Variants in ANKRD29 observed in about 807,000 individuals in gnomAD.
ANKRD29 encodes the protein ankyrin repeat domain 29.
A neutral mutation model predicts 38.0 loss-of-function variants in ANKRD29; 32 were observed. The ratio of observed to expected loss-of-function variants is 0.84; its 90% CI spans 0.64 to 1.13. The LOEUF (loss-of-function observed/expected upper bound fraction) is 1.13, where lower values mean the gene tolerates loss of function less well. Among genes scored for constraint, ANKRD29 ranks in the 50% most tolerant of loss-of-function variants. The pLI, the probability that ANKRD29 is intolerant of heterozygous loss-of-function variation, is 0.00. For missense variants in ANKRD29, 357 were observed against 377.9 expected (o/e 0.94, Z 0.46); for synonymous variants, 135 against 152.4 (o/e 0.89, Z 0.84).
At chr18:23,619,997 T>C (rs1044970740) in intron 6 of ANKRD29, among the ~76,000 whole-genome samples, 1 of 152,156 alleles carries the variant, frequency 6.6e-6, no homozygotes, top group Non-Finnish European at 1.5e-5. Flanking sequence ...CTGACCTGTA[T>C]ACATACACCA....
intron 8 of ANKRD29, among the ~76,000 whole-genome samples, chr18:23,612,812 A>G (rs1327426793): frequency 1.3e-5 from 2 of 152,172 alleles, no homozygotes; most frequent in Admixed American, 1.3e-4. Flanking sequence ...GCAAATATTT[A>G]TCAAAATAAG....
At chr18:23,617,676 G>C in intron 8 of ANKRD29, 56 bp downstream of exon 8, 1 of 1,467,004 alleles carries the variant, frequency 6.8e-7, no homozygotes, top group Non-Finnish European at 9.5e-7. Context: ...CCCAAGTGAG[G>C]ACTTACTTTC....
At chr18:23,650,647 C>A (rs757260322) in intron 1 of ANKRD29, among the ~76,000 whole-genome samples, 9 of 152,196 alleles carry the variant, frequency 5.9e-5, no homozygotes, top group Non-Finnish European at 1.0e-4. Context: ...CCCAGCCCTG[C>A]ACAAGTAAGT....
At chr18:23,620,479 C>G (rs2059782901) in intron 6 of ANKRD29, among the ~76,000 whole-genome samples, 1 of 152,066 alleles carries the variant, frequency 6.6e-6, no homozygotes, top group African/African-American at 2.4e-5. Context: ...TGGTTCCCAG[C>G]AGATGGGATG....
At chr18:23,644,155 T>C (rs116708875) in intron 3 of ANKRD29, among the ~76,000 whole-genome samples, 1,606 of 152,354 alleles carry the variant, frequency 0.011, 36 homozygotes, top group African/African-American at 0.036. Flanking sequence ...CCAAGATTAG[T>C]TGAGCAATTG....
Position 23,649,072 on chromosome 18 carries a change from A to G in ANKRD29, c.132+11T>C, listed in dbSNP as rs752197282. On this transcript the variant is annotated intron_variant, in intron 2 of 9. Transcript: ENST00000592179. ...GTGCATGCTGGGCATGCATCTACCG[A>G]ACCACCGTACGCTGTCTCTGCAGTC... The G allele has an allele frequency of 1.2e-6, 2 of 1,611,586 alleles. No homozygotes were observed. The highest frequency in any genetic ancestry group is 1.3e-5 in the African/African-American group (1 of 74,968).
chr18:23,606,514 T>C (rs941415540), intron 9 of ANKRD29, among the ~76,000 whole-genome samples: 3 of 152,144 alleles, frequency 2.0e-5, no homozygotes, highest in African/African-American at 7.2e-5. Context: ...TCTTGCTATA[T>C]TGCCCAGGTT....
intron 5 of ANKRD29, among the ~76,000 whole-genome samples, chr18:23,633,028 C>T (rs751413310): frequency 2.0e-4 from 30 of 152,214 alleles, no homozygotes; most frequent in African/African-American, 6.5e-4. Context: ...GCCTAAAATA[C>T]GGTTCCTAGA....
chr18:23,635,277 CAA>C lies in ANKRD29; in HGVS notation c.331-1130_331-1129del, dbSNP rs2059988200. On this transcript the variant is annotated intron_variant, in intron 4 of 9. Coordinates refer to ENST00000592179, the MANE Select transcript of ANKRD29 (RefSeq NM_173505.4). ...GAGCGAGACACTGTGTCAAAACAAA[CAA>C]ATAAAAAAAGTAAAAAAAAAAAAAA... 3.1e-5 allele frequency among the ~76,000 whole-genome samples: 4 copies of C among 129,076 alleles called. No homozygotes were observed. The South Asian group carries it at 1.0e-3, about 32-fold the overall frequency. 84.7% of individuals were successfully genotyped at this position (129,076 alleles called of 152,430 possible). A position where few individuals can be genotyped will look rare whatever the true frequency, so the allele number is the denominator to read the frequency against.
intron 1 of ANKRD29, among the ~76,000 whole-genome samples, chr18:23,652,059 A>G (rs2060216541): frequency 6.6e-6 from 1 of 152,184 alleles, no homozygotes; most frequent in Non-Finnish European, 1.5e-5. Flanking sequence ...TTGGAAAAAA[A>G]TGATGAGTTC....
intron 8 of ANKRD29, among the ~76,000 whole-genome samples, chr18:23,615,933 TATA>T (rs1410858358): frequency 7.0e-6 from 1 of 143,638 alleles, no homozygotes; most frequent in African/African-American, 2.6e-5. Flanking sequence ...GTATATATTA[TATA>T]GTATATAATA....
intron 4 of ANKRD29, among the ~76,000 whole-genome samples, chr18:23,637,238 C>T (rs943669459): frequency 6.6e-6 from 1 of 152,076 alleles, no homozygotes; most frequent in African/African-American, 2.4e-5. Context: ...TTAGTTATCA[C>T]TTTTATAATA....
intron 1 of ANKRD29, among the ~76,000 whole-genome samples, chr18:23,653,658 G>A (rs1002133636): frequency 1.6e-4 from 23 of 142,258 alleles, no homozygotes; most frequent in African/African-American, 6.1e-4. Flanking sequence ...ATGGAGTCTC[G>A]ATCCGTTGCC....
At chr18:23,626,380 G>C (rs1257368434) in intron 6 of ANKRD29, among the ~76,000 whole-genome samples, 1 of 152,172 alleles carries the variant, frequency 6.6e-6, no homozygotes, top group African/African-American at 2.4e-5. Context: ...TTCTATTAAA[G>C]TATTGTTTTA....
rs115943234 is a variant in ANKRD29 at position 23,636,677 on chromosome 18, G to A, written c.330+2172C>T. ...CAGCCTTGACCTCCCAGGCTCAAGC[G>A]ATCCTCTCATCTCAGCCTTCCAAGT... On this transcript the variant is annotated intron_variant, in intron 4 of 9. Coordinates refer to ENST00000592179, the MANE Select transcript of ANKRD29 (RefSeq NM_173505.4). Among the ~76,000 whole-genome samples, 565 of 152,204 alleles carry A rather than the reference G, an allele frequency of 3.7e-3. 2 individuals are homozygous for A. Among genetic ancestry groups the A allele is most frequent in the African/African-American group, 0.013 (519 of 41,520 alleles).
intron 1 of ANKRD29, among the ~76,000 whole-genome samples, chr18:23,662,329 T>C (rs2060374176): frequency 6.6e-6 from 1 of 152,154 alleles, no homozygotes; most frequent in Non-Finnish European, 1.5e-5. Flanking sequence ...CTGGTACTCC[T>C]GCATGAGGAC....
chr18:23,648,812 T>G (rs2145727877), intron 2 of ANKRD29: 1 of 419,540 alleles, frequency 2.4e-6, no homozygotes, highest in African/African-American at 2.0e-5. Context: ...TTTCTTCTTG[T>G]AATCTGCCAA....
Position 23,601,264 on chromosome 18 carries a change from G to A in ANKRD29, c.868C>T (p.Arg290Cys), listed in dbSNP as rs780842342. ...AELTKNERIL[R>C]LLRSKEGPRK... ...GGACCTTCTTTACTTCTCAGGAGACGCAATATACGTTCATTTTTGGTTAGT... is the reference window on the plus strand; with the variant it reads ...GGACCTTCTTTACTTCTCAGGAGACACAATATACGTTCATTTTTGGTTAGT... Residue 290 changes from arginine to cysteine, a missense_variant, in exon 10 of 10, where the codon CGT (arginine) becomes TGT (cysteine). Transcript: ENST00000592179. The A allele has an allele frequency of 9.9e-6, 16 of 1,613,802 alleles. No individual in the cohort carries two copies. Among genetic ancestry groups the A allele is most frequent in the South Asian group, 2.2e-5 (2 of 91,080 alleles).
At position 23,612,125 on chromosome 18, in the gene ANKRD29, T is replaced by C. The variant is rs1288699437; in HGVS notation, c.789A>G (p.Leu263=). The C allele has an allele frequency of 2.5e-6, 4 of 1,613,906 alleles. No individual in the cohort carries two copies. The highest frequency in any genetic ancestry group is 1.1e-5 in the South Asian group (1 of 91,064). Residue 263 remains leucine (L), a synonymous_variant, in exon 9 of 10, where the codon CTA becomes CTG. Coordinates refer to ENST00000592179, the MANE Select transcript of ANKRD29 (RefSeq NM_173505.4). ...SGNIKTVALL[L]EAGADPSLRN... is the part of the protein sequence containing the mutation. ...TCAGGGATGGGTCTGCCCCTGCTTCTAGGAGCAGCGCAACTGTTTTAATGT... is the reference window on the plus strand; with the variant it reads ...TCAGGGATGGGTCTGCCCCTGCTTCCAGGAGCAGCGCAACTGTTTTAATGT...
Sources: allele counts gnomAD v4.1 joint callset (sites outside exome capture counted in the v4.1 genomes callset), GRCh38; gene constraint gnomAD v4.1.1; transcripts MANE v1.5; gene names NCBI Gene and HGNC (gene_info 2026-07-23, HGNC 2026-07-21).